The following TENM3 variants were observed in gnomAD, a reference collection of about 807,000 sequenced individuals.
TENM3 encodes teneurin-3.
In TENM3, 63 loss-of-function variants were observed where a neutral mutation model predicts 255.1. The observed-to-expected ratio is 0.25, with a 90% confidence interval of 0.20 to 0.30. TENM3 has a LOEUF of 0.30. Ranked by LOEUF, TENM3 falls within the 10% of genes least tolerant of loss-of-function variation. TENM3 has a pLI of 1.00. For missense variants in TENM3, 2,929 were observed against 3,461.1 expected (o/e 0.85, Z 3.86); for synonymous variants, 1,306 against 1,322.3 (o/e 0.99, Z 0.27).
chr4:182,550,807 A>G lies in TENM3; in HGVS notation c.512-50117A>G, dbSNP rs183586828. ...GCAGTTACTAAATGTTTGTTGAATGAAAACATATCCTGAGGCGTTGGGATT... is the reference window on the plus strand; with the variant it reads ...GCAGTTACTAAATGTTTGTTGAATGGAAACATATCCTGAGGCGTTGGGATT... On this transcript the variant is annotated intron_variant, in intron 3 of 27. Coordinates refer to ENST00000511685, the MANE Select transcript of TENM3 (RefSeq NM_001080477.4). 9.6e-4 allele frequency among the ~76,000 whole-genome samples: 146 copies of G among 152,328 alleles called. 1 individual carries two copies. Among genetic ancestry groups the G allele is most frequent in the Non-Finnish European group, 1.4e-3 (92 of 68,026 alleles).
At chr4:182,703,202 C>T (rs1009909337) in intron 12 of TENM3, among the ~76,000 whole-genome samples, 3 of 152,176 alleles carry the variant, frequency 2.0e-5, no homozygotes, top group African/African-American at 7.2e-5. Context: ...GTCATAGAAA[C>T]AGATGCAAAA....
At chr4:182,239,076 T>TGTGTGTGTG (rs1491400584), upstream of TENM3, among the ~76,000 whole-genome samples, 1 of 135,794 alleles carries the variant, frequency 7.4e-6, no homozygotes, top group African/African-American at 3.0e-5. Context: ...TGTGTGTGTA[T>TGTGTGTGTG]TTTTTTTTTT....
chr4:182,287,622 TA>T (rs1413356929), intron 1 of TENM3, among the ~76,000 whole-genome samples: 1 of 151,988 alleles, frequency 6.6e-6, no homozygotes, highest in African/African-American at 2.4e-5. Flanking sequence ...TTTATTTATT[TA>T]TTTTTTTTGA....
At position 182,773,664 on chromosome 4, in the gene TENM3, C is replaced by T. The variant is rs766118969; in HGVS notation, c.5068+17C>T. Reference sequence around the variant, plus strand: ...TGGTTCAAGGTAAACACGAAAGCATCATTTTAAACAAGTACCACCAGCACC... The same window carrying T: ...TGGTTCAAGGTAAACACGAAAGCATTATTTTAAACAAGTACCACCAGCACC... On this transcript the variant is annotated intron_variant, in intron 23 of 27. Coordinates refer to ENST00000511685, the MANE Select transcript of TENM3 (RefSeq NM_001080477.4). 6.2e-7 allele frequency: 1 copy of T among 1,600,874 alleles called. No homozygotes were observed.
intron 3 of TENM3, among the ~76,000 whole-genome samples, chr4:182,505,957 G>A (rs1032113099): frequency 2.0e-5 from 3 of 152,164 alleles, no homozygotes; most frequent in African/African-American, 7.2e-5. Context: ...GGTAGATGTT[G>A]AGTGTGAAAT....
chr4:181,750,616 A>G, the TENM3 span, among the ~76,000 whole-genome samples: 1 of 152,300 alleles, frequency 6.6e-6, no homozygotes, highest in East Asian at 1.9e-4. Flanking sequence ...GACATTAATT[A>G]GCCCAAAATG....
intron 2 of TENM3, 37 bp from the exon 3 acceptor site, chr4:182,346,614 T>C: frequency 5.8e-6 from 9 of 1,544,166 alleles, no homozygotes; most frequent in Non-Finnish European, 8.0e-6. Context: ...ACTGAACATA[T>C]ACTCACTAGT....
the TENM3 span, among the ~76,000 whole-genome samples, chr4:181,898,587 C>T: frequency 1.3e-5 from 2 of 152,178 alleles, no homozygotes; most frequent in Non-Finnish European, 2.9e-5. Flanking sequence ...CAAACTTGAA[C>T]TCCCCCCAAC....
the TENM3 span, among the ~76,000 whole-genome samples, chr4:181,741,123 T>C: frequency 5.9e-5 from 9 of 152,352 alleles, no homozygotes; most frequent in East Asian, 7.7e-4. Flanking sequence ...AAGATCTTTT[T>C]GTAATTTGGT....
the TENM3 span, among the ~76,000 whole-genome samples, chr4:182,044,003 G>A: frequency 3.3e-5 from 5 of 152,092 alleles, no homozygotes; most frequent in South Asian, 2.1e-4. Flanking sequence ...CAAGCAGTTC[G>A]TCTTTAATAG....
chr4:182,068,081 G>A, the TENM3 span, among the ~76,000 whole-genome samples: 1 of 152,166 alleles, frequency 6.6e-6, no homozygotes, highest in Non-Finnish European at 1.5e-5. Context: ...TTAGACAGAT[G>A]TTGAGACTCA....
chr4:181,982,365 G>T, the TENM3 span, among the ~76,000 whole-genome samples: 1 of 152,134 alleles, frequency 6.6e-6, no homozygotes, highest in East Asian at 1.9e-4. Flanking sequence ...AAACAATTCA[G>T]AGCCTTAGTA....
At chr4:182,798,606 GAA>G (rs1350845250) in intron 27 of TENM3, among the ~76,000 whole-genome samples, 2 of 152,218 alleles carry the variant, frequency 1.3e-5, no homozygotes, top group Non-Finnish European at 2.9e-5. Context: ...AAGACATACC[GAA>G]GTTTCCTAAT....
the TENM3 span, among the ~76,000 whole-genome samples, chr4:181,878,648 A>G: frequency 2.6e-5 from 4 of 152,090 alleles, no homozygotes; most frequent in South Asian, 8.3e-4. Context: ...TAATAAGATG[A>G]TGGCTCATCT....
chr4:181,481,455 T>A, the TENM3 span, among the ~76,000 whole-genome samples: 1 of 152,182 alleles, frequency 6.6e-6, no homozygotes, highest in African/African-American at 2.4e-5. Flanking sequence ...TTTGGAAACA[T>A]ATTTCAATAA....
chr4:182,419,110 T>C (rs1221889568), intron 3 of TENM3, among the ~76,000 whole-genome samples: 1 of 152,244 alleles, frequency 6.6e-6, no homozygotes, highest in Non-Finnish European at 1.5e-5. Flanking sequence ...GTAATTATCA[T>C]AGCAAGTAAA....
chr4:182,582,792 A>C (rs1195420170), intron 3 of TENM3, among the ~76,000 whole-genome samples: 1 of 152,208 alleles, frequency 6.6e-6, no homozygotes, highest in Admixed American at 6.5e-5. Context: ...AACTATTGCC[A>C]TTCCTTCAGT....
At chr4:181,640,556 C>A in the TENM3 span, among the ~76,000 whole-genome samples, 1 of 152,164 alleles carries the variant, frequency 6.6e-6, no homozygotes, top group Non-Finnish European at 1.5e-5. Context: ...ACACAACACC[C>A]TTTATCATAC....
At chr4:182,475,741 A>T (rs1476181364) in intron 3 of TENM3, among the ~76,000 whole-genome samples, 1 of 152,206 alleles carries the variant, frequency 6.6e-6, no homozygotes, top group Non-Finnish European at 1.5e-5. Flanking sequence ...TGACTAATTC[A>T]TCAGACATTT....
Sources: gnomAD v4.1 joint callset for allele counts (sites outside exome capture counted in the v4.1 genomes callset) on GRCh38, gnomAD v4.1.1 for gene constraint, MANE v1.5 for transcripts, NCBI Gene and HGNC (gene_info 2026-07-23, HGNC 2026-07-21) for gene names.